The following ASTN2 variants were observed in gnomAD, a reference collection of about 807,000 sequenced individuals.
The protein encoded by ASTN2 is astrotactin-2.
ASTN2 carries 54 observed loss-of-function variants against 139.8 expected under a neutral mutation model. The observed-to-expected ratio is 0.39, with a 90% confidence interval of 0.31 to 0.48. The LOEUF (loss-of-function observed/expected upper bound fraction) is 0.48, where lower values mean the gene tolerates loss of function less well. Among genes scored for constraint, ASTN2 ranks in the 20% least tolerant of loss-of-function variants. The pLI is 0.95. For synonymous variants in ASTN2, 756 were observed against 719.5 expected, an observed-to-expected ratio of 1.05 and a Z score of -0.81; for missense variants, 1,565 against 1,725.1, an observed-to-expected ratio of 0.91 and a Z score of 1.64.
intron 3 of ASTN2, among the ~76,000 whole-genome samples, chr9:117,160,637 A>G (rs1177715827): frequency 6.6e-6 from 1 of 152,054 alleles, no homozygotes; most frequent in Non-Finnish European, 1.5e-5. Flanking sequence ...AAATGAATAT[A>G]ATGACTTTCT....
intron 3 of ASTN2, 22 bp from the exon 4 acceptor site, chr9:117,141,500 G>A (rs763719799): frequency 8.8e-6 from 12 of 1,364,796 alleles, no homozygotes; most frequent in Non-Finnish European, 1.1e-5. Flanking sequence ...CAATGGGGCT[G>A]AGGTTAGGGC....
chr9:116,543,293 T>C (rs1209379254), intron 19 of ASTN2, among the ~76,000 whole-genome samples: 1 of 149,904 alleles, frequency 6.7e-6, no homozygotes, highest in African/African-American at 2.5e-5. Context: ...AAAAATTAGC[T>C]GGGCATGGTG....
intron 11 of ASTN2, among the ~76,000 whole-genome samples, chr9:116,847,776 G>A (rs546930612): frequency 1.3e-5 from 2 of 152,336 alleles, no homozygotes; most frequent in African/African-American, 4.8e-5. Context: ...ACACTACGCT[G>A]CCTTTTACAA....
intron 5 of ASTN2, among the ~76,000 whole-genome samples, chr9:117,079,538 C>T (rs1828369950): frequency 6.6e-6 from 1 of 152,150 alleles, no homozygotes; most frequent in African/African-American, 2.4e-5. Flanking sequence ...GCCCTTTACT[C>T]ACAACATCAT....
chr9:117,382,992 A>G (rs1830309843), intron 1 of ASTN2, among the ~76,000 whole-genome samples: 1 of 152,202 alleles, frequency 6.6e-6, no homozygotes, highest in East Asian at 1.9e-4. Flanking sequence ...TAAATATATT[A>G]GGCTTTGGGG....
intron 10 of ASTN2, among the ~76,000 whole-genome samples, chr9:116,959,429 T>G (rs1835815953): frequency 6.6e-6 from 1 of 152,128 alleles, no homozygotes; most frequent in South Asian, 2.1e-4. Flanking sequence ...AAGTGTGGGC[T>G]TTATCCTCAT....
At chr9:116,511,497 T>G (rs1269505693) in intron 19 of ASTN2, among the ~76,000 whole-genome samples, 1 of 152,204 alleles carries the variant, frequency 6.6e-6, no homozygotes, top group Admixed American at 6.5e-5. Flanking sequence ...GGCTTTGGTA[T>G]TAGGATGATG....
chr9:116,722,293 T>G (rs1252947627), intron 16 of ASTN2, among the ~76,000 whole-genome samples: 1 of 123,662 alleles, frequency 8.1e-6, no homozygotes, highest in African/African-American at 2.6e-5. Context: ...TTGGGAAATG[T>G]TCAGACAATC....
intron 7 of ASTN2, among the ~76,000 whole-genome samples, chr9:116,999,526 CTCTT>C (rs993424347): frequency 5.7e-5 from 8 of 141,092 alleles, no homozygotes; most frequent in African/African-American, 1.6e-4. Context: ...TCTTTCTTTC[CTCTT>C]TCTTTCTTTC....
chr9:116,696,065 C>T (rs1564213754), intron 16 of ASTN2, among the ~76,000 whole-genome samples: 1 of 152,122 alleles, frequency 6.6e-6, no homozygotes, highest in Non-Finnish European at 1.5e-5. Context: ...CCATTATCCC[C>T]GTCTTCTCTG....
chr9:116,829,770 G>A (rs1274392837), intron 11 of ASTN2, among the ~76,000 whole-genome samples: 1 of 152,134 alleles, frequency 6.6e-6, no homozygotes, highest in Non-Finnish European at 1.5e-5. Flanking sequence ...ATTTGGGTGG[G>A]AACACAAATC....
At chr9:117,297,936 T>G (rs1834776380) in intron 1 of ASTN2, among the ~76,000 whole-genome samples, 1 of 152,174 alleles carries the variant, frequency 6.6e-6, no homozygotes, top group African/African-American at 2.4e-5. Flanking sequence ...ACAAATCATA[T>G]AAGTCAGCCT....
intron 4 of ASTN2, among the ~76,000 whole-genome samples, chr9:117,132,156 G>A (rs1288655522): frequency 6.6e-6 from 1 of 151,780 alleles, no homozygotes; most frequent in Non-Finnish European, 1.5e-5. Flanking sequence ...GTACCTTTTG[G>A]GCTCAATCCA....
intron 20 of ASTN2, among the ~76,000 whole-genome samples, chr9:116,444,962 T>C (rs1405070532): frequency 6.6e-6 from 1 of 151,826 alleles, no homozygotes; most frequent in East Asian, 1.9e-4. Context: ...AGTGGCAAGG[T>C]GGGAAGTGAG....
chr9:116,614,837 C>T (rs1027846646), intron 19 of ASTN2, among the ~76,000 whole-genome samples: 5 of 152,074 alleles, frequency 3.3e-5, no homozygotes, highest in African/African-American at 9.7e-5. Flanking sequence ...ACTAAAGCAC[C>T]AAAAGCAATG....
intron 12 of ASTN2, among the ~76,000 whole-genome samples, chr9:116,810,188 C>A (rs1311917073): frequency 1.3e-5 from 2 of 152,192 alleles, no homozygotes; most frequent in Non-Finnish European, 2.9e-5. Context: ...AGTTCTCTAA[C>A]TGAGAAACAG....
chr9:117,088,950 C>A (rs1305825764), intron 5 of ASTN2, among the ~76,000 whole-genome samples: 1 of 152,162 alleles, frequency 6.6e-6, no homozygotes, highest in Non-Finnish European at 1.5e-5. Flanking sequence ...CAGGGCTGGG[C>A]AAACCACCTG....
chr9:116,624,120 G>T (rs1454291195), intron 17 of ASTN2, among the ~76,000 whole-genome samples: 2 of 152,010 alleles, frequency 1.3e-5, no homozygotes, highest in Non-Finnish European at 2.9e-5. Flanking sequence ...TGGCTAATTA[G>T]CTAGCAAACC....
chr9:116,485,203 T>G lies in ASTN2; in HGVS notation c.3497+2156A>C, dbSNP rs1287167419. Among the ~76,000 whole-genome samples, 5 of 152,144 alleles carry G rather than the reference T, an allele frequency of 3.3e-5. No individual in the cohort carries two copies. In the East Asian group the frequency reaches 9.6e-4, roughly 29 times the overall value. ...AGCTTTTGTCCATGATCCCTTCAAG[T>G]CCTCCTGGGGTCCCTGTGAGCCAAA... On this transcript the variant is annotated intron_variant, in intron 20 of 22. Transcript: ENST00000313400.
Sources: gnomAD v4.1 joint callset for allele counts (sites outside exome capture counted in the v4.1 genomes callset) on GRCh38, gnomAD v4.1.1 for gene constraint, MANE v1.5 for transcripts, NCBI Gene and HGNC (gene_info 2026-07-23, HGNC 2026-07-21) for gene names.